The following IFT81 variants were observed in gnomAD, a reference collection of about 807,000 sequenced individuals.
The protein encoded by IFT81 is intraflagellar transport 81.
In IFT81, 72 loss-of-function variants were observed where a neutral mutation model predicts 102.6. That is an observed-to-expected ratio of 0.70 (90% CI 0.58 to 0.85). The LOEUF (loss-of-function observed/expected upper bound fraction) is 0.85. Ranked by LOEUF, IFT81 falls within the 40% of genes least tolerant of loss-of-function variation. The probability of loss-of-function intolerance (pLI) is 0.00; values close to 1 mark genes in which losing one functional copy is unlikely to be tolerated. For missense variants in IFT81, 723 were observed against 787.3 expected (o/e 0.92, Z 0.98); for synonymous variants, 237 against 242.7 (o/e 0.98, Z 0.22).
chr12:110,203,994 T>G, intron 15 of IFT81, 44 bp downstream of exon 15: 2 of 1,223,926 alleles, frequency 1.6e-6, no homozygotes, highest in Non-Finnish European at 2.4e-6. Flanking sequence ...AAAAACTACC[T>G]GTGTGTACAC....
At chr12:110,203,031 C>T (rs185521458) in intron 14 of IFT81, among the ~76,000 whole-genome samples, 3 of 152,042 alleles carry the variant, frequency 2.0e-5, no homozygotes, top group East Asian at 1.9e-4. Context: ...TTTGGGAGGC[C>T]GAGGTAGGTG....
At chr12:110,198,167 C>T (rs1898098774) in intron 14 of IFT81, among the ~76,000 whole-genome samples, 1 of 151,998 alleles carries the variant, frequency 6.6e-6, no homozygotes, top group African/African-American at 2.4e-5. Flanking sequence ...TTTCTGGATT[C>T]AGTTTTCTTT....
chr12:110,143,537 G>T lies in IFT81; in HGVS notation c.937G>T (p.Glu313Ter). Residue 313 changes from glutamate (E) to a stop codon, truncating the protein, a stop_gained, in exon 9 of 19, where the codon GAA becomes TAA. Coordinates refer to ENST00000242591, the MANE Select transcript of IFT81 (RefSeq NM_014055.4). LOFTEE classifies it high-confidence loss of function. Reference protein sequence around the residue: ...AMGHSDLLELESKINEINTEI... With the variant: ...AMGHSDLLEL Reference sequence around the variant, plus strand: ...GGGCCATTCTGATCTTCTTGAACTTGAATCTAAAGTAAGTGAGAATCATCT... The same window carrying T: ...GGGCCATTCTGATCTTCTTGAACTTTAATCTAAAGTAAGTGAGAATCATCT... 6.5e-7 allele frequency: 1 copy of T among 1,543,732 alleles called. No individual in the cohort carries two copies. Among genetic ancestry groups the T allele is most frequent in the Non-Finnish European group, 8.6e-7 (1 of 1,157,184 alleles).
At chr12:110,130,053 A>T (rs1415043229) in intron 4 of IFT81, among the ~76,000 whole-genome samples, 1 of 152,128 alleles carries the variant, frequency 6.6e-6, no homozygotes, top group Non-Finnish European at 1.5e-5. Context: ...CAATATTTGG[A>T]TTGAATCGCA....
Position 110,129,010 on chromosome 12 carries a change from C to T in IFT81, c.309C>T (p.His103=). 6.2e-7 allele frequency: 1 copy of T among 1,612,508 alleles called. No individual in the cohort carries two copies. The highest frequency in any genetic ancestry group is 8.5e-7 in the Non-Finnish European group (1 of 1,179,536). ...GSKPVIYPVL[H]WLLQRTNELK... ...AACCTGTAATTTACCCAGTGCTCCA[C>T]TGGCTTCTTCAGAGGACTAATGAAC... The change falls in exon 4 of 19, where the codon CAC becomes CAT. Residue 103 remains histidine (H), a synonymous_variant. Coordinates refer to ENST00000242591, the MANE Select transcript of IFT81 (RefSeq NM_014055.4).
intron 10 of IFT81, among the ~76,000 whole-genome samples, chr12:110,154,450 G>A (rs1230206339): frequency 6.6e-6 from 1 of 151,658 alleles, no homozygotes; most frequent in African/African-American, 2.4e-5. Context: ...GGCCAACATG[G>A]TGAAACCCTG....
Position 110,135,401 on chromosome 12 carries a change from A to C in IFT81, c.660A>C (p.Glu220Asp). ...TTCGAGTTGAAAAAGAGAGAGAAGA[A>C]TATCTTGCACAACAGAAACAGGAAC... ...RQLRVEKEREEYLAQQKQEQK... is the reference protein window; with the variant it reads ...RQLRVEKEREDYLAQQKQEQK... The change falls in exon 7 of 19, where the codon GAA becomes GAC. Residue 220 changes from glutamate to aspartate, a missense_variant. Transcript: ENST00000242591. The C allele has an allele frequency of 6.2e-7, 1 of 1,612,556 alleles. No homozygotes were observed. The highest frequency in any genetic ancestry group is 1.1e-5 in the South Asian group (1 of 90,946).
chr12:110,145,995 A>G (rs1043149746), intron 9 of IFT81, among the ~76,000 whole-genome samples: 1 of 151,454 alleles, frequency 6.6e-6, no homozygotes, highest in African/African-American at 2.4e-5. Context: ...TATTTTTAGT[A>G]GAGACGGGGT....
chr12:110,130,362 A>T (rs1375381708), intron 4 of IFT81, among the ~76,000 whole-genome samples: 1 of 146,310 alleles, frequency 6.8e-6, no homozygotes, highest in East Asian at 1.9e-4. Flanking sequence ...AAGTTGATTA[A>T]GTCTTTTTTT....
chr12:110,148,303 A>AT (rs961475694), intron 10 of IFT81, among the ~76,000 whole-genome samples: 7 of 148,856 alleles, frequency 4.7e-5, no homozygotes, highest in African/African-American at 7.4e-5. Flanking sequence ...ATCTGGTTTG[A>AT]TTTTTTTTTG....
intron 5 of IFT81, among the ~76,000 whole-genome samples, chr12:110,134,162 G>C (rs1404698804): frequency 6.6e-6 from 1 of 152,098 alleles, no homozygotes; most frequent in Non-Finnish European, 1.5e-5. Flanking sequence ...CACCACGCCT[G>C]GCTAGTTTTG....
At chr12:110,195,850 G>T (rs1420168330) in intron 14 of IFT81, among the ~76,000 whole-genome samples, 2 of 152,172 alleles carry the variant, frequency 1.3e-5, no homozygotes, top group African/African-American at 4.8e-5. Flanking sequence ...TTGACTATTA[G>T]ATCATGCTTT....
chr12:110,191,398 C>T (rs765209606), intron 13 of IFT81, among the ~76,000 whole-genome samples: 19 of 151,906 alleles, frequency 1.3e-4, no homozygotes, highest in Admixed American at 2.6e-4. Context: ...CTCTACCTCC[C>T]GACCTCAAGT....
At chr12:110,160,044 C>T (rs757589135) in intron 10 of IFT81, among the ~76,000 whole-genome samples, 2 of 152,168 alleles carry the variant, frequency 1.3e-5, no homozygotes, top group Non-Finnish European at 2.9e-5. Flanking sequence ...CTTCCTACTC[C>T]ACCACCTTCT....
At chr12:110,201,417 A>C (rs1372630977) in intron 14 of IFT81, among the ~76,000 whole-genome samples, 1 of 149,912 alleles carries the variant, frequency 6.7e-6, no homozygotes, top group Non-Finnish European at 1.5e-5. Flanking sequence ...AAAAAAAAAA[A>C]GGTGAAAAAT....
At chr12:110,141,388 GAAA>G (rs1894881797) in intron 8 of IFT81, among the ~76,000 whole-genome samples, 1 of 151,912 alleles carries the variant, frequency 6.6e-6, no homozygotes. Context: ...CTCTAATCCT[GAAA>G]AAAGAAGGAA....
chr12:110,169,252 C>T, intron 11 of IFT81: 1 of 152,034 alleles, frequency 6.6e-6, no homozygotes, highest in East Asian at 1.9e-4. Flanking sequence ...ATTAATTATG[C>T]CCTCTGTGAC....
chr12:110,135,096 C>G (rs1894401948), intron 6 of IFT81, 83 bp downstream of exon 6: 1 of 1,082,194 alleles, frequency 9.2e-7, no homozygotes, highest in Non-Finnish European at 1.4e-6. Flanking sequence ...AAAGATTCAG[C>G]CAAGCATGAG....
chr12:110,205,678 T>A lies in IFT81; in HGVS notation c.1800T>A (p.Ile600=). The A allele has an allele frequency of 6.4e-7, 1 of 1,573,572 alleles. No individual in the cohort carries two copies. Among genetic ancestry groups the A allele is most frequent in the Non-Finnish European group, 8.6e-7 (1 of 1,162,714 alleles). ...ATCAACAAGAAAAAAGAAAGGCAAT[T>A]AGGCAAGTGATTTTGTTGTTTTATA... is the stretch of plus-strand genomic sequence containing the variant. The part of the protein sequence containing the change: ...SSDQQEKRKA[I]REQYTKNTAE... Residue 600 remains isoleucine (I), a splice_region_variant and synonymous_variant, in exon 17 of 19, where the codon ATT becomes ATA. Transcript: ENST00000242591.
Sources: gnomAD v4.1 joint callset for allele counts (sites outside exome capture counted in the v4.1 genomes callset) on GRCh38, gnomAD v4.1.1 for gene constraint, MANE v1.5 for transcripts, NCBI Gene and HGNC (gene_info 2026-07-23, HGNC 2026-07-21) for gene names.